The following KLHL8 variants were observed in gnomAD, a reference collection of about 807,000 sequenced individuals.
The protein encoded by KLHL8 is kelch like family member 8.
In KLHL8, 38 loss-of-function variants were observed where a neutral mutation model predicts 63.5. That is an observed-to-expected ratio of 0.60 (90% CI 0.46 to 0.78). The LOEUF is 0.78. Among genes scored for constraint, KLHL8 ranks in the 30% least tolerant of loss-of-function variants. The pLI, the probability that KLHL8 is intolerant of heterozygous loss-of-function variation, is 0.00. For synonymous variants in KLHL8, 224 were observed against 254.3 expected (o/e 0.88, Z 1.13); for missense variants, 566 against 752.4 (o/e 0.75, Z 2.90).
At chr4:87,224,126 A>G (rs1732931074), upstream of KLHL8, among the ~76,000 whole-genome samples, 1 of 151,898 alleles carries the variant, frequency 6.6e-6, no homozygotes, top group Admixed American at 6.6e-5. Context: ...CAATGGCACG[A>G]TCTTGGCTTA....
chr4:87,196,256 T>A (rs1731695070), intron 1 of KLHL8, among the ~76,000 whole-genome samples: 1 of 152,082 alleles, frequency 6.6e-6, no homozygotes, highest in Non-Finnish European at 1.5e-5. Flanking sequence ...TACTATCAAG[T>A]GCAGATAAAC....
At chr4:87,168,722 G>GTA (rs199567465) in intron 8 of KLHL8, among the ~76,000 whole-genome samples, 23,415 of 142,978 alleles carry the variant, frequency 0.16, 2,226 homozygotes, top group South Asian at 0.27. Context: ...ATATATATAC[G>GTA]TATATATATG....
chr4:87,229,449 G>A (rs1254566391), intron 1 of KLHL8, among the ~76,000 whole-genome samples: 1 of 95,158 alleles, frequency 1.1e-5, no homozygotes, highest in African/African-American at 4.5e-5. Flanking sequence ...GGGGGGGGGT[G>A]CAGGGAACAG....
intron 4 of KLHL8, among the ~76,000 whole-genome samples, chr4:87,180,820 A>G (rs1731020659): frequency 6.6e-6 from 1 of 152,146 alleles, no homozygotes; most frequent in South Asian, 2.1e-4. Flanking sequence ...AAGTGGGTGA[A>G]TCACTTGAGC....
chr4:87,209,743 C>T (rs1237421715), intron 1 of KLHL8, among the ~76,000 whole-genome samples: 1 of 152,022 alleles, frequency 6.6e-6, no homozygotes, highest in African/African-American at 2.4e-5. Context: ...GTATTATCCT[C>T]ATAACTCTTT....
At chr4:87,230,106 T>C (rs769553282) in intron 1 of KLHL8, among the ~76,000 whole-genome samples, 1 of 152,152 alleles carries the variant, frequency 6.6e-6, no homozygotes, top group Non-Finnish European at 1.5e-5. Flanking sequence ...TAGAGGCAGC[T>C]GCAAGGAATA....
chr4:87,236,041 A>C (rs1733221673), intron 1 of KLHL8, among the ~76,000 whole-genome samples: 1 of 152,134 alleles, frequency 6.6e-6, no homozygotes, highest in African/African-American at 2.4e-5. Context: ...AATAGAAACC[A>C]AAAAAAGCGA....
In KLHL8 at chr4:87,164,007, A is replaced by G. The variant is rs1730278532; in HGVS notation, c.1610T>C (p.Val537Ala). 1 of 1,614,204 alleles carries G rather than the reference A, an allele frequency of 6.2e-7. No individual in the cohort carries two copies. The highest frequency in any genetic ancestry group is 1.3e-5 in the African/African-American group (1 of 75,052). ...YDPRSNKWDY[V>A]AALTTPRGGV... is the part of the protein sequence containing the mutation. ...ACCTCTGGGAGTAGTAAGTGCTGCC[A>G]CATAATCCCACTTGTTGCTTCGGGG... The change falls in exon 9 of 10, where the codon GTG becomes GCG. Residue 537 changes from valine (V) to alanine (A), a missense_variant. Transcript: ENST00000273963.
intron 1 of KLHL8, among the ~76,000 whole-genome samples, chr4:87,210,445 C>T (rs1732358369): frequency 6.6e-6 from 1 of 152,064 alleles, no homozygotes; most frequent in South Asian, 2.1e-4. Context: ...CACACCACTG[C>T]ACTCCAGCCT....
chr4:87,226,420 G>A (rs1212260799), intron 1 of KLHL8, among the ~76,000 whole-genome samples: 4 of 149,774 alleles, frequency 2.7e-5, no homozygotes, highest in African/African-American at 7.4e-5. Context: ...AAAATTAGCC[G>A]GGCATGGCGG....
chr4:87,226,775 T>TTA (rs1260031947), intron 1 of KLHL8, among the ~76,000 whole-genome samples: 1 of 16,786 alleles, frequency 6.0e-5, no homozygotes, highest in Non-Finnish European at 8.4e-5. Context: ...ATAATATATA[T>TTA]TATATATATA....
intron 2 of KLHL8, among the ~76,000 whole-genome samples, chr4:87,189,810 A>G (rs1731409269): frequency 6.6e-6 from 1 of 151,916 alleles, no homozygotes; most frequent in African/African-American, 2.4e-5. Flanking sequence ...AGGGCGGATC[A>G]GGAGGTCAGG....
chr4:87,230,203 T>A (rs918059525), intron 1 of KLHL8, among the ~76,000 whole-genome samples: 3 of 152,138 alleles, frequency 2.0e-5, no homozygotes, highest in Non-Finnish European at 4.4e-5. Context: ...ACTAAGGTCT[T>A]GACAAAGGAA....
intron 1 of KLHL8, 52 bp from the exon 2 acceptor site, chr4:87,195,742 T>C (rs1731670867): frequency 2.1e-6 from 1 of 478,794 alleles, no homozygotes; most frequent in Non-Finnish European, 3.7e-6. Flanking sequence ...AAAAAAATTA[T>C]TGTTAACTAT....
At chr4:87,221,641 CAT>C (rs1399716568), upstream of KLHL8, among the ~76,000 whole-genome samples, 3 of 151,656 alleles carry the variant, frequency 2.0e-5, no homozygotes, top group Non-Finnish European at 4.4e-5. Context: ...AATATTAACA[CAT>C]ATGAACATTA....
chr4:87,178,658 T>C (rs376636624), intron 4 of KLHL8, 38 bp from the exon 5 acceptor site: 38 of 1,473,614 alleles, frequency 2.6e-5, no homozygotes, highest in Non-Finnish European at 3.2e-5. Flanking sequence ...AAATCATAGC[T>C]GCCAAGTTGA....
intron 1 of KLHL8, among the ~76,000 whole-genome samples, chr4:87,236,370 G>A (rs374113966): frequency 5.3e-5 from 8 of 151,860 alleles, no homozygotes; most frequent in African/African-American, 1.4e-4. Context: ...CACCATGCCC[G>A]GCAAATTTTT....
intron 8 of KLHL8, among the ~76,000 whole-genome samples, chr4:87,164,679 A>G (rs1289856475): frequency 6.6e-6 from 1 of 152,198 alleles, no homozygotes; most frequent in Admixed American, 6.5e-5. Context: ...TCATTCTAGC[A>G]ATGTACTTAA....
chr4:87,165,149 CAAAAAAAAAA>C (rs71660120), intron 8 of KLHL8, among the ~76,000 whole-genome samples: 1 of 34,144 alleles, frequency 2.9e-5, no homozygotes, highest in African/African-American at 1.3e-4. Context: ...GACTCTGTCT[CAAAAAAAAAA>C]AAAAAAAAAA....
Sources: allele counts gnomAD v4.1 joint callset (sites outside exome capture counted in the v4.1 genomes callset), GRCh38; gene constraint gnomAD v4.1.1; transcripts MANE v1.5; gene names NCBI Gene and HGNC (gene_info 2026-07-23, HGNC 2026-07-21).